ARHGEF38: variants seen among roughly 807,000 people sequenced by gnomAD.
The protein encoded by ARHGEF38 is Rho guanine nucleotide exchange factor (GEF) 38.
In ARHGEF38, 79 loss-of-function variants were observed where a neutral mutation model predicts 79.9. The ratio of observed to expected loss-of-function variants is 0.99; its 90% CI spans 0.82 to 1.19. ARHGEF38 has a LOEUF of 1.19. Among genes scored for constraint, ARHGEF38 ranks in the 50% most tolerant of loss-of-function variants. ARHGEF38 has a pLI of 0.00. For missense variants in ARHGEF38, 962 were observed against 907.2 expected, an observed-to-expected ratio of 1.06 and a Z score of -0.78; for synonymous variants, 366 against 328.3, an observed-to-expected ratio of 1.11 and a Z score of -1.24.
intron 2 of ARHGEF38, among the ~76,000 whole-genome samples, chr4:105,600,231 T>C (rs890872208): frequency 6.6e-6 from 1 of 152,036 alleles, no homozygotes; most frequent in African/African-American, 2.4e-5. Context: ...AAAACACAAA[T>C]AACAATCAAA....
intron 1 of ARHGEF38, among the ~76,000 whole-genome samples, chr4:105,563,023 G>A (rs554114296): frequency 6.6e-6 from 1 of 152,176 alleles, no homozygotes; most frequent in Non-Finnish European, 1.5e-5. Flanking sequence ...TGGGGATGTG[G>A]CTATCTTGGG....
At chr4:105,555,671 A>G (rs987235355) in intron 1 of ARHGEF38, among the ~76,000 whole-genome samples, 1 of 152,138 alleles carries the variant, frequency 6.6e-6, no homozygotes, top group African/African-American at 2.4e-5. Context: ...TGGCAACACC[A>G]CATTCCTCAA....
intron 1 of ARHGEF38, among the ~76,000 whole-genome samples, chr4:105,580,001 T>A (rs1726704340): frequency 6.6e-6 from 1 of 152,290 alleles, no homozygotes; most frequent in South Asian, 2.1e-4. Context: ...TCATCTAGAT[T>A]TTCTAGTTTG....
chr4:105,630,119 A>C (rs1209864647), intron 3 of ARHGEF38, among the ~76,000 whole-genome samples: 2 of 152,142 alleles, frequency 1.3e-5, no homozygotes, highest in Non-Finnish European at 2.9e-5. Context: ...TACTTTTTAC[A>C]ATGACTCTCT....
intron 1 of ARHGEF38, among the ~76,000 whole-genome samples, chr4:105,578,036 T>C (rs1578271992): frequency 6.6e-6 from 1 of 152,216 alleles, no homozygotes; most frequent in African/African-American, 2.4e-5. Context: ...TTGTGATCTT[T>C]TAGACTTTTT....
At chr4:105,655,125 G>A (rs191631933) in intron 8 of ARHGEF38, among the ~76,000 whole-genome samples, 1 of 152,228 alleles carries the variant, frequency 6.6e-6, no homozygotes, top group East Asian at 1.9e-4. Flanking sequence ...AGAGTAGTGG[G>A]AACCCCATCC....
At chr4:105,666,496 AT>A (rs532932939) in intron 11 of ARHGEF38, among the ~76,000 whole-genome samples, 176 bp downstream of exon 11, 1 of 152,020 alleles carries the variant, frequency 6.6e-6, no homozygotes, top group Non-Finnish European at 1.5e-5. Flanking sequence ...AAGATCATGG[AT>A]TTTTTTTCTA....
intron 10 of ARHGEF38, among the ~76,000 whole-genome samples, chr4:105,662,610 T>C (rs1730602338): frequency 6.6e-6 from 1 of 152,194 alleles, no homozygotes; most frequent in African/African-American, 2.4e-5. Context: ...TTTTATCTTT[T>C]TCCAAATGAC....
intron 9 of ARHGEF38, among the ~76,000 whole-genome samples, chr4:105,657,047 TAGATGATA>T (rs947832581): frequency 7.4e-4 from 113 of 151,910 alleles, no homozygotes; most frequent in Middle Eastern, 3.4e-3. Flanking sequence ...GATAGATAGA[TAGATGATA>T]GATAGATAGA....
chr4:105,630,666 AAAAAG>A (rs1345268292), intron 3 of ARHGEF38, among the ~76,000 whole-genome samples: 2 of 152,340 alleles, frequency 1.3e-5, no homozygotes, highest in African/African-American at 4.8e-5. Context: ...ATAAAAGAAA[AAAAAG>A]AAAAGACAGA....
intron 2 of ARHGEF38, among the ~76,000 whole-genome samples, chr4:105,612,538 G>A (rs1256749097): frequency 1.3e-5 from 2 of 152,114 alleles, no homozygotes; most frequent in East Asian, 3.8e-4. Flanking sequence ...CAATACGGCT[G>A]TGGCCTGACC....
chr4:105,675,919 A>C lies in ARHGEF38; in HGVS notation c.2149-1833A>C, dbSNP rs539444741. On this transcript the variant is annotated intron_variant, in intron 13 of 13. Transcript: ENST00000420470. The stretch of plus-strand genomic sequence containing the variant: ...TCACCTCCCCAAGGCCTTACCTCTT[A>C]ATAGCATTACCTTGTGGATTAGGCT... 1.1e-4 allele frequency among the ~76,000 whole-genome samples: 16 copies of C among 152,324 alleles called. No individual in the cohort carries two copies. In the South Asian group the frequency reaches 3.3e-3, roughly 32 times the overall value.
intron 2 of ARHGEF38, among the ~76,000 whole-genome samples, chr4:105,608,867 T>G (rs1728169142): frequency 6.6e-6 from 1 of 152,080 alleles, no homozygotes; most frequent in African/African-American, 2.4e-5. Context: ...ATTATTTGTT[T>G]TCTTACTGAG....
intron 1 of ARHGEF38, among the ~76,000 whole-genome samples, chr4:105,575,497 A>C (rs1726453544): frequency 6.6e-6 from 1 of 151,750 alleles, no homozygotes; most frequent in African/African-American, 2.4e-5. Context: ...CTTCTTGATG[A>C]GGTTATTTGT....
intron 2 of ARHGEF38, among the ~76,000 whole-genome samples, chr4:105,608,866 T>C (rs1273556958): frequency 1.3e-5 from 2 of 152,062 alleles, no homozygotes; most frequent in Non-Finnish European, 2.9e-5. Context: ...GATTATTTGT[T>C]TTCTTACTGA....
chr4:105,554,135 A>C (rs191028585), intron 1 of ARHGEF38, among the ~76,000 whole-genome samples: 46 of 152,262 alleles, frequency 3.0e-4, no homozygotes, highest in African/African-American at 9.1e-4. Flanking sequence ...GAGGGAGAGC[A>C]TTGTTTAATC....
chr4:105,594,800 C>CA (rs1179395904), intron 2 of ARHGEF38, among the ~76,000 whole-genome samples: 2 of 152,188 alleles, frequency 1.3e-5, no homozygotes, highest in African/African-American at 4.8e-5. Flanking sequence ...GATAATACAT[C>CA]AAACTCAGCA....
chr4:105,670,848 C>T (rs529153934), intron 13 of ARHGEF38, among the ~76,000 whole-genome samples: 7 of 152,272 alleles, frequency 4.6e-5, no homozygotes, highest in African/African-American at 1.4e-4. Flanking sequence ...CTAAAGCTGG[C>T]TTGATGTTGA....
chr4:105,627,559 T>G (rs896028703), intron 3 of ARHGEF38, among the ~76,000 whole-genome samples: 3 of 152,230 alleles, frequency 2.0e-5, no homozygotes, highest in Non-Finnish European at 4.4e-5. Flanking sequence ...CTCCTTTGCA[T>G]GGCGATTGCT....
Sources: gnomAD v4.1 joint callset for allele counts (sites outside exome capture counted in the v4.1 genomes callset) on GRCh38, gnomAD v4.1.1 for gene constraint, MANE v1.5 for transcripts, NCBI Gene and HGNC (gene_info 2026-07-23, HGNC 2026-07-21) for gene names.